The following MYH10 variants were observed in gnomAD, a reference collection of about 807,000 sequenced individuals.
The protein encoded by MYH10 is myosin heavy chain 10.
A neutral mutation model predicts 257.8 loss-of-function variants in MYH10; 55 were observed. The ratio of observed to expected loss-of-function variants is 0.21; its 90% CI spans 0.17 to 0.27. The LOEUF is 0.27. Among genes scored for constraint, MYH10 ranks in the 10% least tolerant of loss-of-function variants. MYH10 has a pLI of 1.00. For missense variants in MYH10, 1,631 were observed against 2,500.6 expected, an observed-to-expected ratio of 0.65 and a Z score of 7.42; for synonymous variants, 854 against 921.7, an observed-to-expected ratio of 0.93 and a Z score of 1.33.
chr17:8,533,688 C>A (rs2151929595), intron 16 of MYH10, among the ~76,000 whole-genome samples: 1 of 152,188 alleles, frequency 6.6e-6, no homozygotes, highest in Admixed American at 6.5e-5. Context: ...GACATTTTTC[C>A]CTTAGCGCCC....
chr17:8,499,326 C>T lies in MYH10; in HGVS notation c.3895G>A (p.Val1299Ile). The change falls in exon 30 of 43, where the codon GTC becomes ATC. Residue 1299 changes from valine (V) to isoleucine (I), a missense_variant. Val to Ile is a conservative substitution (Grantham distance 29, BLOSUM62 3). Transcript: ENST00000360416. ...ACCCTGAGCCTGTCGCCTTCAGAGACCTTGGCATGGAGCTCCTGGACCTGC... is the reference window on the plus strand; with the variant it reads ...ACCCTGAGCCTGTCGCCTTCAGAGATCTTGGCATGGAGCTCCTGGACCTGC... ...DAQVQELHAK[V>I]SEGDRLRVEL... The T allele has an allele frequency of 6.2e-7, 1 of 1,614,074 alleles. No individual in the cohort carries two copies. Among genetic ancestry groups the T allele is most frequent in the Non-Finnish European group, 8.5e-7 (1 of 1,180,016 alleles).
At chr17:8,553,125 C>A (rs917449360) in intron 8 of MYH10, among the ~76,000 whole-genome samples, 1 of 152,212 alleles carries the variant, frequency 6.6e-6, no homozygotes, top group Non-Finnish European at 1.5e-5. Context: ...ACATCCTCCA[C>A]GTCTGGTGAA....
In MYH10 at chr17:8,506,013, A is replaced by G; in HGVS notation, c.3386+305T>C. The G allele has an allele frequency of 3.8e-6, 1 of 259,820 alleles. No individual in the cohort carries two copies. The highest frequency in any genetic ancestry group is 7.1e-6 in the Non-Finnish European group (1 of 140,142). The allele number at this position is 259,820 out of a possible 1,614,324, so 16.1% of individuals were successfully genotyped here. ...AAATAAATAAAACATACTACAGTTAATCTGTAATGTACAGAGACCAAAACA... is the reference window on the plus strand; with the variant it reads ...AAATAAATAAAACATACTACAGTTAGTCTGTAATGTACAGAGACCAAAACA... On this transcript the variant is annotated intron_variant, in intron 27 of 42. Coordinates refer to ENST00000360416, the MANE Select transcript of MYH10 (RefSeq NM_001256012.3). The surrounding 1 kb of genome is among the most constrained non-coding windows in gnomAD (Gnocchi z 5.0).
At chr17:8,605,714 C>T (rs1257510971) in intron 2 of MYH10, among the ~76,000 whole-genome samples, 3 of 152,162 alleles carry the variant, frequency 2.0e-5, no homozygotes, top group Non-Finnish European at 2.9e-5. Flanking sequence ...CACTGTACTC[C>T]AGCCTGGGTA....
At chr17:8,560,671 C>T in intron 7 of MYH10, 1 of 747,842 alleles carries the variant, frequency 1.3e-6, no homozygotes, top group South Asian at 1.3e-5. Context: ...TGCCAGAGTG[C>T]TGACTTCACA....
chr17:8,589,055 A>G (rs560031382), intron 4 of MYH10, 26 bp downstream of exon 4: 2 of 1,612,284 alleles, frequency 1.2e-6, no homozygotes, highest in Non-Finnish European at 8.5e-7. Context: ...ATCAAAAACA[A>G]ATCTGAACAT....
At chr17:8,524,392 G>A (rs981834135) in intron 17 of MYH10, among the ~76,000 whole-genome samples, 1 of 140,308 alleles carries the variant, frequency 7.1e-6, no homozygotes, top group South Asian at 2.3e-4. Flanking sequence ...GGAGGTCGCA[G>A]TAAGCTGAGA....
At chr17:8,547,313 G>T (rs542412264) in intron 11 of MYH10, among the ~76,000 whole-genome samples, 9 of 152,120 alleles carry the variant, frequency 5.9e-5, no homozygotes, top group African/African-American at 2.2e-4. Flanking sequence ...CATTTTAGAT[G>T]GCTCCATTTT....
At chr17:8,582,045 T>C (rs753261155) in intron 4 of MYH10, among the ~76,000 whole-genome samples, 2 of 152,192 alleles carry the variant, frequency 1.3e-5, no homozygotes, top group Non-Finnish European at 2.9e-5. Context: ...CAATAAATGG[T>C]AGTGGTGATA....
At position 8,490,349 on chromosome 17, in the gene MYH10, C is replaced by A. The variant is rs781033550; in HGVS notation, c.4875G>T (p.Leu1625=). The A allele has an allele frequency of 6.2e-7, 1 of 1,613,704 alleles. No individual in the cohort carries two copies. The highest frequency in any genetic ancestry group is 8.5e-7 in the Non-Finnish European group (1 of 1,180,030). The change falls in exon 35 of 43, where the codon CTG becomes CTT. Residue 1625 remains leucine, a synonymous_variant. Coordinates refer to ENST00000360416, the MANE Select transcript of MYH10 (RefSeq NM_001256012.3). This position sits in a 1 kb window ranked among gnomAD's most constrained non-coding sequence, Gnocchi z 4.1. ...GCACCCTCTGCCCTACCTGTTTGAT[C>A]AGCAGCCGCTTCTTCTCTTCATTCT... ...DEQNEEKKRL[L]IKQVRELEAE...
At chr17:8,498,869 A>G (rs1021362515) in intron 30 of MYH10, among the ~76,000 whole-genome samples, 3 of 152,146 alleles carry the variant, frequency 2.0e-5, no homozygotes, top group Non-Finnish European at 2.9e-5. Context: ...AAAACAAAAA[A>G]AAAGGTTGCA....
intron 24 of MYH10, among the ~76,000 whole-genome samples, chr17:8,510,172 G>A (rs1597691508): frequency 6.6e-6 from 1 of 151,388 alleles, no homozygotes; most frequent in Non-Finnish European, 1.5e-5. Context: ...CCGAGTAGCT[G>A]GGACTACAGG....
Position 8,623,278 on chromosome 17 carries a change from C to G in MYH10, c.-31-1G>C, listed in dbSNP as rs770360537. The G allele has an allele frequency of 6.5e-6, 10 of 1,546,164 alleles. No homozygotes were observed. Among genetic ancestry groups the G allele is most frequent in the Non-Finnish European group, 7.0e-6 (8 of 1,149,678 alleles). Reference sequence around the variant, plus strand: ...TGGAACGATCCAAAAGCAATTGCCTCTAAGAGAAGAGGAGGAGGGCAAAAT... The same window carrying G: ...TGGAACGATCCAAAAGCAATTGCCTGTAAGAGAAGAGGAGGAGGGCAAAAT... On this transcript the variant is annotated splice_acceptor_variant, in intron 1 of 42. Transcript: ENST00000360416. LOFTEE classifies it low-confidence loss of function (5UTR_SPLICE).
chr17:8,530,532 TC>T (rs1307508882), intron 17 of MYH10, 90 bp downstream of exon 17: 3 of 25,870 alleles, frequency 1.2e-4, no homozygotes, highest in East Asian at 8.7e-4. Context: ...ACCCCCGCCC[TC>T]CCCGGCCACC....
At chr17:8,492,206 C>CATTCCCAGGTCCT in intron 34 of MYH10, 91 bp downstream of exon 34, 1 of 1,303,286 alleles carries the variant, frequency 7.7e-7, no homozygotes, top group Non-Finnish European at 1.1e-6. Context: ...GTCCTTCAGG[C>CATTCCCAGGTCCT]TCCCCTGAGG....
Position 8,478,410 on chromosome 17 carries a change from A to C in MYH10, c.5634T>G (p.Thr1878=). ...RAAANKLVRR[T]EKKLKEIFMQ... ...TGAAGATTTCTTTCAGCTTCTTCTCAGTGCGACGGACTAATTTGTTGGCGG... is the reference window on the plus strand; with the variant it reads ...TGAAGATTTCTTTCAGCTTCTTCTCCGTGCGACGGACTAATTTGTTGGCGG... The change falls in exon 41 of 43, where the codon ACT becomes ACG. Residue 1878 remains threonine (T), a synonymous_variant. Transcript: ENST00000360416. The C allele has an allele frequency of 1.9e-6, 3 of 1,614,252 alleles. No homozygotes were observed. The highest frequency in any genetic ancestry group is 2.5e-6 in the Non-Finnish European group (3 of 1,180,044).
At chr17:8,593,580 T>C (rs1166140419) in intron 3 of MYH10, among the ~76,000 whole-genome samples, 2 of 152,118 alleles carry the variant, frequency 1.3e-5, no homozygotes, top group Non-Finnish European at 2.9e-5. Context: ...ACTAAAAAAA[T>C]TAAATGTTTA....
chr17:8,521,675 C>A (rs955685657), intron 17 of MYH10, among the ~76,000 whole-genome samples: 4 of 152,156 alleles, frequency 2.6e-5, no homozygotes, highest in Admixed American at 1.3e-4. Context: ...GGAAATGGCT[C>A]ATAAAAATAT....
In MYH10 at chr17:8,492,341, C is replaced by G; in HGVS notation, c.4627G>C (p.Asp1543His). The G allele has an allele frequency of 6.2e-7, 1 of 1,613,740 alleles. No individual in the cohort carries two copies. The highest frequency in any genetic ancestry group is 1.1e-5 in the South Asian group (1 of 91,074). The change falls in exon 34 of 43, where the codon GAC (aspartate) becomes CAC (histidine). Residue 1543 changes from aspartate to histidine, a missense_variant. This residue lies in a region of MYH10 where 463 missense variants were observed against 621.8 expected (regional missense o/e 0.74). Coordinates refer to ENST00000360416, the MANE Select transcript of MYH10 (RefSeq NM_001256012.3). ...TTGGAGCTCATGAGGTCTTCCATGT[C>G]TGCTCGGAGCTGCTTGTTCTGCCTC... ...FERQNKQLRADMEDLMSSKDD... is the reference protein window; with the variant it reads ...FERQNKQLRAHMEDLMSSKDD...
Sources: gnomAD v4.1 joint callset for allele counts (sites outside exome capture counted in the v4.1 genomes callset) on GRCh38, gnomAD v4.1.1 for gene constraint, gnomAD v4.1.1 regional missense constraint, Gnocchi (gnomAD v3.1) non-coding constraint, MANE v1.5 for transcripts, NCBI Gene and HGNC (gene_info 2026-07-23, HGNC 2026-07-21) for gene names.